Variants in KATNAL2 observed in about 807,000 individuals in gnomAD.
KATNAL2 encodes katanin catalytic subunit A1 like 2, also known as katanin p60 ATPase-containing subunit A-like 2.
A neutral mutation model predicts 76.3 loss-of-function variants in KATNAL2; 52 were observed. The observed-to-expected ratio is 0.68, with a 90% confidence interval of 0.55 to 0.86. The LOEUF (loss-of-function observed/expected upper bound fraction) is 0.86. Ranked by LOEUF, KATNAL2 falls within the 40% of genes least tolerant of loss-of-function variation. The probability of loss-of-function intolerance (pLI) is 0.00; values close to 1 mark genes in which losing one functional copy is unlikely to be tolerated. For synonymous variants in KATNAL2, 243 were observed against 244.2 expected (o/e 1.00, Z 0.05); for missense variants, 660 against 668.9 (o/e 0.99, Z 0.15).
At chr18:46,968,076 T>C (rs2060183399) in intron 3 of KATNAL2, among the ~76,000 whole-genome samples, 1 of 118,284 alleles carries the variant, frequency 8.5e-6, no homozygotes, top group Non-Finnish European at 1.9e-5. Context: ...ACAGGGGCCG[T>C]GCCACCACGC....
intron 1 of KATNAL2, among the ~76,000 whole-genome samples, chr18:46,928,653 C>T (rs58356192): frequency 0.02 from 2,975 of 152,272 alleles, 93 homozygotes; most frequent in African/African-American, 0.068. Flanking sequence ...GCATCACTCA[C>T]GCTGGGAGAT....
In KATNAL2 at chr18:46,958,804, G is replaced by T. The variant is rs146526401; in HGVS notation, c.51+11881G>T. Reference sequence around the variant, plus strand: ...TTAAAAACAAACAAAAAAATAATTAGAGTCAATGCACGATAATGGTTTTTG... The same window carrying T: ...TTAAAAACAAACAAAAAAATAATTATAGTCAATGCACGATAATGGTTTTTG... On this transcript the variant is annotated intron_variant, in intron 3 of 17. Coordinates refer to ENST00000683218, the MANE Select transcript of KATNAL2 (RefSeq NM_001387690.1). Among the ~76,000 whole-genome samples the T allele has an allele frequency of 4.5e-3, 678 of 152,272 alleles. 5 individuals are homozygous for T. The highest frequency in any genetic ancestry group is 0.015 in the African/African-American group (628 of 41,558).
intron 1 of KATNAL2, among the ~76,000 whole-genome samples, chr18:46,922,392 C>G (rs902895045): frequency 6.6e-6 from 1 of 151,954 alleles, no homozygotes; most frequent in Non-Finnish European, 1.5e-5. Flanking sequence ...CCGCTGCTCC[C>G]GGCCTCAACT....
intron 6 of KATNAL2, among the ~76,000 whole-genome samples, chr18:47,055,611 C>T (rs749804067): frequency 2.0e-5 from 3 of 152,208 alleles, no homozygotes; most frequent in East Asian, 1.9e-4. Flanking sequence ...AGAGTTTTAT[C>T]GCTTTGACAA....
intron 3 of KATNAL2, chr18:47,034,099 TAGG>T: frequency 1.2e-6 from 2 of 1,614,228 alleles, no homozygotes; most frequent in Non-Finnish European, 1.7e-6. Flanking sequence ...CAACTGATCG[TAGG>T]TGAGGTATTT....
chr18:47,079,614 C>A (rs1457998452), intron 15 of KATNAL2, among the ~76,000 whole-genome samples: 1 of 152,050 alleles, frequency 6.6e-6, no homozygotes, highest in Non-Finnish European at 1.5e-5. Flanking sequence ...CCAGACTAGT[C>A]TTGAACTCCT....
intron 3 of KATNAL2, chr18:47,032,770 C>T: frequency 1.4e-6 from 1 of 694,788 alleles, no homozygotes; most frequent in Non-Finnish European, 2.4e-6. Flanking sequence ...TAGAATTGTT[C>T]CCAATGCGTT....
intron 13 of KATNAL2, among the ~76,000 whole-genome samples, chr18:47,071,461 G>A: frequency 6.6e-6 from 1 of 152,058 alleles, no homozygotes; most frequent in Non-Finnish European, 1.5e-5. Flanking sequence ...AGAGACGACT[G>A]TAGCTGAAAT....
chr18:47,034,234 C>T, intron 3 of KATNAL2: 3 of 1,613,922 alleles, frequency 1.9e-6, no homozygotes, highest in Non-Finnish European at 2.5e-6. Flanking sequence ...TTGAGTCTCT[C>T]GGTCGTTGGA....
At chr18:46,953,196 T>C (rs1242089421) in intron 3 of KATNAL2, among the ~76,000 whole-genome samples, 2 of 152,202 alleles carry the variant, frequency 1.3e-5, no homozygotes, top group East Asian at 3.9e-4. Context: ...TCCCGGCACC[T>C]TCCTCCTTTT....
intron 7 of KATNAL2, 90 bp downstream of exon 7, chr18:47,058,442 A>T: frequency 1.3e-6 from 1 of 750,550 alleles, no homozygotes; most frequent in South Asian, 1.8e-5. Flanking sequence ...TTTTTTGAGG[A>T]CCTACGCTTT....
intron 10 of KATNAL2, 95 bp downstream of exon 10, chr18:47,063,456 A>G: frequency 1.1e-6 from 1 of 889,076 alleles, no homozygotes; most frequent in Admixed American, 2.5e-5. Flanking sequence ...AATAAATATG[A>G]TCATTTATTT....
At chr18:46,943,860 C>G (rs980535889) in intron 1 of KATNAL2, among the ~76,000 whole-genome samples, 2 of 152,198 alleles carry the variant, frequency 1.3e-5, no homozygotes, top group African/African-American at 4.8e-5. Context: ...CTTAGTGAAG[C>G]TAACATGCTC....
chr18:46,934,845 C>A (rs1473364143), intron 1 of KATNAL2, among the ~76,000 whole-genome samples: 2 of 152,084 alleles, frequency 1.3e-5, no homozygotes, highest in Admixed American at 1.3e-4. Context: ...AGGAAGGGAT[C>A]CAGTTTCAGC....
At chr18:46,931,128 AATAATAATAAT>A in intron 1 of KATNAL2, among the ~76,000 whole-genome samples, 1 of 136,596 alleles carries the variant, frequency 7.3e-6, no homozygotes, top group Non-Finnish European at 1.6e-5. Context: ...TAATAATAAT[AATAATAATAAT>A]AAATAAATAA....
intron 10 of KATNAL2, 31 bp downstream of exon 10, chr18:47,063,392 T>C (rs746413292): frequency 6.3e-6 from 10 of 1,575,770 alleles, no homozygotes; most frequent in South Asian, 1.1e-5. Flanking sequence ...CACAAATTTA[T>C]GGAGGCAGGC....
At chr18:47,037,698 G>A (rs1041049236) in intron 3 of KATNAL2, among the ~76,000 whole-genome samples, 5 of 152,078 alleles carry the variant, frequency 3.3e-5, no homozygotes, top group African/African-American at 9.7e-5. Flanking sequence ...ACTACATTTG[G>A]AATAGTGTTT....
intron 3 of KATNAL2, among the ~76,000 whole-genome samples, chr18:46,949,425 G>T (rs747085532): frequency 6.6e-6 from 1 of 152,148 alleles, no homozygotes; most frequent in Admixed American, 6.5e-5. Flanking sequence ...GTTAAATTTT[G>T]TATTTTTTGT....
chr18:46,925,265 T>C (rs1439886285), intron 1 of KATNAL2, among the ~76,000 whole-genome samples: 5 of 152,216 alleles, frequency 3.3e-5, no homozygotes, highest in Non-Finnish European at 5.9e-5. Flanking sequence ...CATCAGTACC[T>C]AATTTATTGA....
Sources: allele counts gnomAD v4.1 joint callset (sites outside exome capture counted in the v4.1 genomes callset), GRCh38; gene constraint gnomAD v4.1.1; transcripts MANE v1.5; gene names NCBI Gene and HGNC (gene_info 2026-07-23, HGNC 2026-07-21).